The following KIDINS220 variants were observed in gnomAD, a reference collection of about 807,000 sequenced individuals.
KIDINS220 encodes kinase D interacting substrate 220.
A neutral mutation model predicts 157.6 loss-of-function variants in KIDINS220; 63 were observed. The observed-to-expected ratio is 0.40, with a 90% CI of 0.33 to 0.49. KIDINS220 has a LOEUF of 0.49. Ranked by LOEUF, KIDINS220 falls within the 20% of genes least tolerant of loss-of-function variation. The pLI, the probability that KIDINS220 is intolerant of heterozygous loss-of-function variation, is 0.66. For synonymous variants in KIDINS220, 732 were observed against 783.6 expected (o/e 0.93, Z 1.10); for missense variants, 1,772 against 2,171.2 (o/e 0.82, Z 3.65).
chr2:8,723,711 A>G (rs1663106265), downstream of KIDINS220: 1 of 152,230 alleles, frequency 6.6e-6, no homozygotes, highest in African/African-American at 2.4e-5. Context: ...GGGTAAATCC[A>G]CATCTCAGAC....
intron 22 of KIDINS220, among the ~76,000 whole-genome samples, chr2:8,765,154 G>T (rs919801826): frequency 6.6e-6 from 1 of 152,182 alleles, no homozygotes; most frequent in African/African-American, 2.4e-5. Flanking sequence ...CCGGAGCCAG[G>T]CTGAGGACAC....
rs372167631 is a variant in KIDINS220 at position 8,817,653 on chromosome 2, G to C, written c.271C>G (p.Leu91Val). The C allele has an allele frequency of 6.2e-7, 1 of 1,606,948 alleles. No homozygotes were observed. The highest frequency in any genetic ancestry group is 1.3e-5 in the African/African-American group (1 of 74,916). Residue 91 changes from leucine (L) to valine (V), a missense_variant, in exon 4 of 30, where the codon CTG (leucine) becomes GTG (valine). By Grantham distance (32) the Leu-to-Val change is conservative (BLOSUM62 1). Around this residue, in one of 3 missense-constraint regions of KIDINS220, gnomAD observed 254 missense variants for 268.6 expected, o/e 0.95. Coordinates refer to ENST00000256707, the MANE Select transcript of KIDINS220 (RefSeq NM_020738.4). ...TGCTCCAAGTTAACCCCACATTTCA[G>C]TAGTTCCTCTACGATGTGCACATGC... ...EGHVHIVEELLKCGVNLEHRD... is the reference protein window; with the variant it reads ...EGHVHIVEELVKCGVNLEHRD...
chr2:8,728,634 G>A (rs1453678321), downstream of KIDINS220, among the ~76,000 whole-genome samples: 4 of 152,204 alleles, frequency 2.6e-5, no homozygotes, highest in Non-Finnish European at 4.4e-5. Context: ...TCCAGGTTCT[G>A]GATAACCTAC....
At chr2:8,802,048 A>T in intron 8 of KIDINS220, among the ~76,000 whole-genome samples, 1 of 152,198 alleles carries the variant, frequency 6.6e-6, no homozygotes, top group Non-Finnish European at 1.5e-5. Context: ...CAAAGGCCCC[A>T]CAGCAGGAAC....
rs1663849798 is a variant in KIDINS220 at position 8,730,240 on chromosome 2, C to T, written c.*480G>A. The T allele has an allele frequency of 1.0e-6, 1 of 988,380 alleles. No homozygotes were observed. Among genetic ancestry groups the T allele is most frequent in the Non-Finnish European group, 1.2e-6 (1 of 832,148 alleles). 61.2% of individuals were successfully genotyped at this position (988,380 alleles called of 1,614,324 possible). On this transcript the variant is annotated 3_prime_UTR_variant, in exon 30 of 30. Transcript: ENST00000256707. ...CGCTGGATCTCGGTTTACTCAGCCT[C>T]TCCCTGTAGCGTCACAGGCTGTGCA...
chr2:8,725,167 C>A (rs565930160), downstream of KIDINS220: 6 of 152,298 alleles, frequency 3.9e-5, no homozygotes, highest in Non-Finnish European at 5.9e-5. Context: ...AAATTAACTT[C>A]TTTCAAAATA....
chr2:8,765,736 A>T (rs1026701870), intron 22 of KIDINS220, among the ~76,000 whole-genome samples: 4 of 152,142 alleles, frequency 2.6e-5, no homozygotes, highest in Admixed American at 2.6e-4. Flanking sequence ...CTAGTCACCC[A>T]GGCTGGAGTG....
At chr2:8,767,600 G>A (rs1669644966) in intron 22 of KIDINS220, among the ~76,000 whole-genome samples, 1 of 152,058 alleles carries the variant, frequency 6.6e-6, no homozygotes, top group African/African-American at 2.4e-5. Context: ...GCCAAATGAT[G>A]GCGGGGAAGA....
At chr2:8,813,375 A>T (rs768020023) in intron 4 of KIDINS220, 40 bp from the exon 5 acceptor site, 6 of 1,339,064 alleles carry the variant, frequency 4.5e-6, no homozygotes, top group Non-Finnish European at 6.3e-6. Context: ...CAAACTTTAA[A>T]TCATCTCTGA....
At chr2:8,734,429 G>A (rs897787142) in intron 28 of KIDINS220, among the ~76,000 whole-genome samples, 2 of 152,186 alleles carry the variant, frequency 1.3e-5, no homozygotes, top group African/African-American at 4.8e-5. Context: ...AAATCTCTGA[G>A]TGAAATGCCC....
intron 12 of KIDINS220, among the ~76,000 whole-genome samples, chr2:8,792,155 T>C (rs1487562907): frequency 2.6e-5 from 4 of 152,046 alleles, no homozygotes; most frequent in African/African-American, 9.7e-5. Flanking sequence ...ACCATAGAAG[T>C]ACTAGAAGGA....
chr2:8,743,625 CAGCATGGTGGTG>C (rs1337465329), intron 26 of KIDINS220, among the ~76,000 whole-genome samples: 1 of 152,186 alleles, frequency 6.6e-6, no homozygotes, highest in African/African-American at 2.4e-5. Context: ...GCAGAGCCAC[CAGCATGGTGGTG>C]AGCGCCATGG....
intron 6 of KIDINS220, among the ~76,000 whole-genome samples, chr2:8,811,774 TAA>T (rs374156796): frequency 6.9e-6 from 1 of 145,072 alleles, no homozygotes. Flanking sequence ...GTTAAGGATT[TAA>T]AAAAAAAAAA....
intron 1 of KIDINS220, among the ~76,000 whole-genome samples, chr2:8,829,112 G>C (rs1679242390): frequency 6.6e-6 from 1 of 152,200 alleles, no homozygotes; most frequent in South Asian, 2.1e-4. Context: ...TAGCATTCTG[G>C]AAAAGGAAAA....
rs1161789532 is a variant in KIDINS220 at position 8,730,946 on chromosome 2, T to C, written c.5090A>G (p.Gln1697Arg). The C allele has an allele frequency of 6.2e-7, 1 of 1,614,230 alleles. No homozygotes were observed. Among genetic ancestry groups the C allele is most frequent in the African/African-American group, 1.3e-5 (1 of 75,058 alleles). Residue 1697 changes from glutamine (Q) to arginine (R), a missense_variant, in exon 30 of 30, where the codon CAA becomes CGA. Transcript: ENST00000256707. ...NNSAPANRAN[Q>R]NFDEMEGIRE... ...AATTCCCTCCATCTCATCGAAATTTTGATTGGCTCTGTTGGCTGGAGCACT... is the reference window on the plus strand; with the variant it reads ...AATTCCCTCCATCTCATCGAAATTTCGATTGGCTCTGTTGGCTGGAGCACT...
intron 2 of KIDINS220, among the ~76,000 whole-genome samples, chr2:8,824,884 A>C (rs1678519342): frequency 6.6e-6 from 1 of 152,232 alleles, no homozygotes; most frequent in South Asian, 2.1e-4. Context: ...AACGTGGATG[A>C]ACCTTGAGGA....
chr2:8,775,363 A>T (rs1301390085), intron 21 of KIDINS220, among the ~76,000 whole-genome samples: 1 of 152,152 alleles, frequency 6.6e-6, no homozygotes, highest in African/African-American at 2.4e-5. Context: ...AGAAAAGGAG[A>T]ACTCCAAGAA....
chr2:8,726,681 T>C (rs1197608034), downstream of KIDINS220, among the ~76,000 whole-genome samples: 1 of 152,218 alleles, frequency 6.6e-6, no homozygotes, highest in Non-Finnish European at 1.5e-5. Context: ...CTACTGCTCC[T>C]AGCTACACAT....
chr2:8,785,840 T>C lies in KIDINS220; in HGVS notation c.2130A>G (p.Thr710=). 4 of 1,601,740 alleles carry C rather than the reference T, an allele frequency of 2.5e-6. No homozygotes were observed. The highest frequency in any genetic ancestry group is 1.7e-5 in the Admixed American group (1 of 59,586). The change falls in exon 17 of 30, where the codon ACA becomes ACG. Residue 710 remains threonine, a synonymous_variant. Transcript: ENST00000256707. The part of the protein sequence containing the change: ...VGLAFVLNCR[T]WWQVLDSLLN... ...GGAGCGAGTCCAGCACTTGCCACCATGTACGACAGTTCAACACAAAGGCCA... is the reference window on the plus strand; with the variant it reads ...GGAGCGAGTCCAGCACTTGCCACCACGTACGACAGTTCAACACAAAGGCCA...
Sources: gnomAD v4.1 joint callset for allele counts (sites outside exome capture counted in the v4.1 genomes callset) on GRCh38, gnomAD v4.1.1 for gene constraint, gnomAD v4.1.1 regional missense constraint, MANE v1.5 for transcripts, NCBI Gene and HGNC (gene_info 2026-07-23, HGNC 2026-07-21) for gene names.